AP3D1: variants seen among roughly 807,000 people sequenced by gnomAD.
The protein encoded by AP3D1 is adaptor related protein complex 3 subunit delta 1, also known as AP-3 complex subunit delta-1.
A neutral mutation model predicts 147.6 loss-of-function variants in AP3D1; 51 were observed. The ratio of observed to expected loss-of-function variants is 0.35; its 90% CI spans 0.28 to 0.44. AP3D1 has a LOEUF of 0.44. AP3D1 is among the 20% of genes least tolerant of loss of function. AP3D1 has a pLI of 1.00. For missense variants in AP3D1, 1,421 were observed against 1,624.2 expected, an observed-to-expected ratio of 0.87 and a Z score of 2.15; for synonymous variants, 760 against 663.0, an observed-to-expected ratio of 1.15 and a Z score of -2.25.
In AP3D1 at chr19:2,139,673, C is replaced by A. The variant is rs535160604; in HGVS notation, c.97-959G>T. Among the ~76,000 whole-genome samples the A allele has an allele frequency of 3.9e-5, 6 of 152,100 alleles. No homozygotes were observed. In the South Asian group the frequency reaches 1.2e-3, roughly 32 times the overall value. Reference sequence around the variant, plus strand: ...CCATCAGTGAACGATGAGGCACCCACAAGCCCTCCTAATGCACAGGAGCCC... The same window carrying A: ...CCATCAGTGAACGATGAGGCACCCAAAAGCCCTCCTAATGCACAGGAGCCC... On this transcript the variant is annotated intron_variant, in intron 1 of 31. Coordinates refer to ENST00000643116, the MANE Select transcript of AP3D1 (RefSeq NM_001261826.3).
intron 1 of AP3D1, among the ~76,000 whole-genome samples, chr19:2,148,633 GGT>G (rs2019425511): frequency 6.6e-6 from 1 of 152,222 alleles, no homozygotes; most frequent in African/African-American, 2.4e-5. Context: ...CAAGGAGGGA[GGT>G]GACTGTCATC....
Position 2,115,324 on chromosome 19 carries a change from C to T in AP3D1, c.2244G>A (p.Glu748=), listed in dbSNP as rs772007893. 1.9e-6 allele frequency: 3 copies of T among 1,611,518 alleles called. No homozygotes were observed. Among genetic ancestry groups the T allele is most frequent in the Middle Eastern group, 1.6e-4 (1 of 6,062 alleles). Reference sequence around the variant, plus strand: ...GGCGGCGCTTGCCCTTCTTCTCCTTCTCCTTCCTCTTTTTCCTCCTCTTGT... The same window carrying T: ...GGCGGCGCTTGCCCTTCTTCTCCTTTTCCTTCCTCTTTTTCCTCCTCTTGT... ...EKDKRRKKRK[E]KEKKGKRRHS... Residue 748 remains glutamate (E), a synonymous_variant, in exon 20 of 32, where the codon GAG becomes GAA. Coordinates refer to ENST00000643116, the MANE Select transcript of AP3D1 (RefSeq NM_001261826.3).
intron 1 of AP3D1, among the ~76,000 whole-genome samples, chr19:2,148,971 A>G (rs527260195): frequency 7.2e-5 from 11 of 151,966 alleles, no homozygotes; most frequent in African/African-American, 2.7e-4. Flanking sequence ...TCTATAGGAT[A>G]GCTGCTTTTT....
chr19:2,139,034 C>T (rs1229409507), intron 1 of AP3D1, among the ~76,000 whole-genome samples: 2 of 135,436 alleles, frequency 1.5e-5, no homozygotes, highest in Admixed American at 8.5e-5. Flanking sequence ...CATTCCAGCC[C>T]AGGTGAGAGA....
chr19:2,137,996 A>G (rs927757819), intron 2 of AP3D1, among the ~76,000 whole-genome samples, 189 bp from the exon 3 acceptor site: 1 of 152,210 alleles, frequency 6.6e-6, no homozygotes, highest in African/African-American at 2.4e-5. Context: ...GACATTTAAA[A>G]GCTACAGGGA....
chr19:2,123,505 G>A (rs1020939214), intron 10 of AP3D1, 99 bp from the exon 11 acceptor site: 40 of 1,255,048 alleles, frequency 3.2e-5, no homozygotes, highest in Middle Eastern at 1.9e-4. Context: ...CCTAAGGCCC[G>A]GCGTCAGCCC....
chr19:2,111,781 C>T lies in AP3D1; in HGVS notation c.2835G>A (p.Glu945=), dbSNP rs751708491. 10 of 1,613,628 alleles carry T rather than the reference C, an allele frequency of 6.2e-6. No individual in the cohort carries two copies. In the South Asian group the frequency reaches 9.9e-5, roughly 16 times the overall value. ...KKKKHRKEKE[E]RTKGKKKSKK... ...TGGACTTCTTCTTGCCTTTGGTCCG[C>T]TCCTCCTTCTCCTTCCTGTGCTTCT... Residue 945 remains glutamate (E), a synonymous_variant, in exon 25 of 32, where the codon GAG becomes GAA. Coordinates refer to ENST00000643116, the MANE Select transcript of AP3D1 (RefSeq NM_001261826.3).
At position 2,117,376 on chromosome 19, in the gene AP3D1, G is replaced by T; in HGVS notation, c.1714-9C>A. 1 of 1,584,582 alleles carries T rather than the reference G, an allele frequency of 6.3e-7. No individual in the cohort carries two copies. Among genetic ancestry groups the T allele is most frequent in the Non-Finnish European group, 8.6e-7 (1 of 1,166,970 alleles). ...TGCAGGATGCAGGACGCCTGTGGGG[G>T]ACACAGGGGTCACTGCTGGCACCTG... On this transcript the variant is annotated splice_polypyrimidine_tract_variant and intron_variant, in intron 15 of 31. Coordinates refer to ENST00000643116, the MANE Select transcript of AP3D1 (RefSeq NM_001261826.3).
At chr19:2,109,553 TGCCGCAC>T in intron 29 of AP3D1, 1 of 469,360 alleles carries the variant, frequency 2.1e-6, no homozygotes, top group East Asian at 3.6e-5. Flanking sequence ...GGGGAGGGGG[TGCCGCAC>T]GCCAAGCCGT....
At chr19:2,108,815 A>G (rs1417615908) in intron 30 of AP3D1, 49 bp from the exon 31 acceptor site, 1 of 1,538,572 alleles carries the variant, frequency 6.5e-7, no homozygotes, top group Non-Finnish European at 8.8e-7. Flanking sequence ...GCATGGCTGC[A>G]GCCCCACCCC....
intron 22 of AP3D1, among the ~76,000 whole-genome samples, chr19:2,113,824 C>A (rs2018356507): frequency 6.6e-6 from 1 of 152,270 alleles, no homozygotes; most frequent in Non-Finnish European, 1.5e-5. Context: ...GGTTCTGGAG[C>A]TGCACGTGAG....
intron 31 of AP3D1, among the ~76,000 whole-genome samples, chr19:2,102,985 C>T (rs1352497112): frequency 2.0e-5 from 3 of 149,630 alleles, no homozygotes; most frequent in African/African-American, 7.4e-5. Context: ...CAGGCCAGGC[C>T]GGATGGCTCA....
chr19:2,144,601 T>A (rs2019309476), intron 1 of AP3D1, among the ~76,000 whole-genome samples: 1 of 151,978 alleles, frequency 6.6e-6, no homozygotes, highest in Admixed American at 6.6e-5. Context: ...GGTGGCACGG[T>A]CACCATTAAA....
At chr19:2,134,057 G>A (rs193078861) in intron 4 of AP3D1, among the ~76,000 whole-genome samples, 56 of 151,918 alleles carry the variant, frequency 3.7e-4, no homozygotes, top group Admixed American at 2.1e-3. Flanking sequence ...GCAGTGAGCC[G>A]ACATTGTACT....
At chr19:2,128,122 C>G (rs970441374) in intron 8 of AP3D1, among the ~76,000 whole-genome samples, 3 of 152,146 alleles carry the variant, frequency 2.0e-5, no homozygotes, top group Non-Finnish European at 4.4e-5. Context: ...CACCCCTCCC[C>G]TTCCCTGCAG....
intron 29 of AP3D1, chr19:2,109,582 G>A (rs769697231): frequency 2.0e-6 from 1 of 508,956 alleles, no homozygotes; most frequent in South Asian, 2.5e-5. Flanking sequence ...CCGAGGAGAG[G>A]CTTCAGGAGG....
intron 1 of AP3D1, among the ~76,000 whole-genome samples, chr19:2,145,774 A>C (rs765165605): frequency 1.3e-5 from 2 of 152,072 alleles, no homozygotes; most frequent in Non-Finnish European, 2.9e-5. Flanking sequence ...CACACACACC[A>C]AGCCTTCTGC....
chr19:2,137,287 G>A (rs2019102078), intron 3 of AP3D1, among the ~76,000 whole-genome samples, 196 bp from the exon 4 acceptor site: 1 of 151,984 alleles, frequency 6.6e-6, no homozygotes, highest in South Asian at 2.1e-4. Flanking sequence ...ATTCCATGAG[G>A]AAATTCCCAG....
In AP3D1 at chr19:2,114,220, T is replaced by C. The variant is rs377694853; in HGVS notation, c.2506A>G (p.Met836Val). The C allele has an allele frequency of 6.8e-6, 11 of 1,613,572 alleles. No individual in the cohort carries two copies. Among genetic ancestry groups the C allele is most frequent in the Non-Finnish European group, 8.5e-6 (10 of 1,179,840 alleles). ...GGTTTCTTGCTCTTCTTTTCTACCA[T>C]GGGAACGTCCTTCTCAGGGGATTTT... is the stretch of plus-strand genomic sequence containing the variant. ...TSKSPEKDVP[M>V]VEKKSKKPKK... The change falls in exon 22 of 32, where the codon ATG (methionine) becomes GTG (valine). Residue 836 changes from methionine (M) to valine (V), a missense_variant. Met to Val is a conservative substitution (Grantham distance 21). Transcript: ENST00000643116.
Sources: allele counts gnomAD v4.1 joint callset (sites outside exome capture counted in the v4.1 genomes callset), GRCh38; gene constraint gnomAD v4.1.1; transcripts MANE v1.5; gene names NCBI Gene and HGNC (gene_info 2026-07-23, HGNC 2026-07-21).